Variants in INTS7 observed in about 807,000 individuals in gnomAD.
The protein encoded by INTS7 is integrator complex subunit 7, also known as chromosome 1 open reading frame 73.
INTS7 carries 46 observed loss-of-function variants against 109.2 expected under a neutral mutation model. The ratio of observed to expected loss-of-function variants is 0.42; its 90% CI spans 0.33 to 0.54. The LOEUF is 0.54. INTS7 is among the 20% of genes least tolerant of loss of function. INTS7 has a pLI of 0.07. For missense variants in INTS7, 929 were observed against 1,132.4 expected (o/e 0.82, Z 2.58); for synonymous variants, 412 against 402.9 (o/e 1.02, Z -0.27).
chr1:211,975,710 A>C (rs1021581154), intron 12 of INTS7, among the ~76,000 whole-genome samples: 1 of 152,222 alleles, frequency 6.6e-6, no homozygotes, highest in Non-Finnish European at 1.5e-5. Context: ...TGAACTATTT[A>C]GTGGGTGAGA....
chr1:211,981,116 G>C lies in INTS7; in HGVS notation c.1207C>G (p.Pro403Ala), dbSNP rs540765397. ...ACCTTTAAAGTGGCCTGAGCACCTG[G>C]ACTATCATCTTGACTACAAAGTACC... ...LLVLCSQDDS[P>A]GAQATLKIAL... The change falls in exon 10 of 20, where the codon CCA becomes GCA. Residue 403 changes from proline to alanine, a missense_variant. Transcript: ENST00000366994. The C allele has an allele frequency of 7.4e-5, 119 of 1,612,212 alleles. No individual in the cohort carries two copies. Among genetic ancestry groups the C allele is most frequent in the Admixed American group, 1.0e-4 (6 of 59,962 alleles).
In INTS7 at chr1:211,952,617, C is replaced by T; in HGVS notation, c.2268G>A (p.Leu756=). ...TCCGATTGAGTGATTCTACCTCCTC[C>T]AAGACATGATTATATACAGACATCA... ...RRMMSVYNHV[L]EEVESLNRKY... The change falls in exon 17 of 20, where the codon TTG becomes TTA. Residue 756 remains leucine, a synonymous_variant. Coordinates refer to ENST00000366994, the MANE Select transcript of INTS7 (RefSeq NM_015434.4). 1 of 1,613,028 alleles carries T rather than the reference C, an allele frequency of 6.2e-7. No homozygotes were observed. Among genetic ancestry groups the T allele is most frequent in the South Asian group, 1.1e-5 (1 of 91,018 alleles).
At chr1:211,964,058 T>C (rs1436394243) in intron 16 of INTS7, among the ~76,000 whole-genome samples, 1 of 152,190 alleles carries the variant, frequency 6.6e-6, no homozygotes, top group Non-Finnish European at 1.5e-5. Flanking sequence ...CAACTATCCC[T>C]GTGTGCAGAC....
chr1:212,020,807 C>A (rs1465606154), intron 2 of INTS7: 4 of 863,274 alleles, frequency 4.6e-6, no homozygotes, highest in Non-Finnish European at 5.8e-6. Context: ...ACAATCTGTA[C>A]AAAGACACAG....
intron 4 of INTS7, among the ~76,000 whole-genome samples, chr1:212,014,086 T>C (rs1390963199): frequency 2.0e-5 from 3 of 152,196 alleles, no homozygotes; most frequent in Non-Finnish European, 4.4e-5. Flanking sequence ...CATCTATTAA[T>C]TTTGATCTGT....
intron 7 of INTS7, among the ~76,000 whole-genome samples, chr1:212,002,670 C>T (rs992536791): frequency 3.9e-5 from 6 of 152,202 alleles, no homozygotes; most frequent in Non-Finnish European, 8.8e-5. Flanking sequence ...ATGTCAACTT[C>T]GCAGTGAGGG....
intron 13 of INTS7, among the ~76,000 whole-genome samples, chr1:211,974,692 T>G (rs1276742713): frequency 6.6e-6 from 1 of 152,148 alleles, no homozygotes; most frequent in East Asian, 1.9e-4. Context: ...TAACAGAAAT[T>G]GTAGCTAGCT....
intron 12 of INTS7, 24 bp downstream of exon 12, chr1:211,976,558 T>G (rs1260794988): frequency 1.3e-6 from 2 of 1,594,214 alleles, no homozygotes; most frequent in Non-Finnish European, 1.7e-6. Context: ...AGCAACCCAG[T>G]TCACTCAGAA....
At chr1:211,989,930 T>C (rs1444226062) in intron 7 of INTS7, among the ~76,000 whole-genome samples, 3 of 152,126 alleles carry the variant, frequency 2.0e-5, no homozygotes, top group Non-Finnish European at 4.4e-5. Flanking sequence ...ACCTCATTCA[T>C]ACTTTGAACA....
chr1:212,011,334 CTAAT>C (rs770945690), intron 5 of INTS7, 37 bp downstream of exon 5: 10 of 1,076,340 alleles, frequency 9.3e-6, no homozygotes, highest in Non-Finnish European at 1.4e-5. Flanking sequence ...TATTATAAAT[CTAAT>C]TAAGTCACTT....
Position 211,978,291 on chromosome 1 carries a change from T to C in INTS7, c.1451A>G (p.Asp484Gly). The change falls in exon 11 of 20, where the codon GAC (aspartate) becomes GGC (glycine). Residue 484 changes from aspartate to glycine, a missense_variant. By Grantham distance (94) the Asp-to-Gly change is moderately conservative (BLOSUM62 -1). Coordinates refer to ENST00000366994, the MANE Select transcript of INTS7 (RefSeq NM_015434.4). ...LYKVIGRSAT[D>G]KQQELLVSLA... is the part of the protein sequence containing the mutation. Reference sequence around the variant, plus strand: ...TTTTACCAGAAGTTCTTGTTGCTTGTCTGTGGCTGATCGTCCAATCACCTT... The same window carrying C: ...TTTTACCAGAAGTTCTTGTTGCTTGCCTGTGGCTGATCGTCCAATCACCTT... 1.2e-6 allele frequency: 2 copies of C among 1,614,188 alleles called. No individual in the cohort carries two copies. The highest frequency in any genetic ancestry group is 8.5e-7 in the Non-Finnish European group (1 of 1,180,002).
chr1:212,035,502 C>T lies in INTS7; in HGVS notation c.-65G>A. On this transcript the variant is annotated 5_prime_UTR_variant, in exon 1 of 20. Coordinates refer to ENST00000366994, the MANE Select transcript of INTS7 (RefSeq NM_015434.4). ...GCAAACTCTACCCCAGGACCGCCAT[C>T]TTCCCCCGCCGCCTTCTTGCTGGTT... 1 of 1,185,168 alleles carries T rather than the reference C, an allele frequency of 8.4e-7. No individual in the cohort carries two copies. The highest frequency in any genetic ancestry group is 2.3e-5 in the East Asian group (1 of 42,888). 73.4% of individuals were successfully genotyped at this position (1,185,168 alleles called of 1,614,324 possible).
chr1:212,035,297 CT>C lies in INTS7; in HGVS notation c.94+46del, dbSNP rs772349803. 2.3e-6 allele frequency: 3 copies of C among 1,298,290 alleles called. 1 individual carries two copies. In the South Asian group the frequency reaches 3.5e-5, roughly 15 times the overall value. The allele number at this position is 1,298,290 out of a possible 1,614,324, so 80.4% of individuals were successfully genotyped here. A position where few individuals can be genotyped will look rare whatever the true frequency, so the allele number is the denominator to read the frequency against. On this transcript the variant is annotated intron_variant, in intron 1 of 19. Coordinates refer to ENST00000366994, the MANE Select transcript of INTS7 (RefSeq NM_015434.4). ...AAGCAACCACCACCTGGTGGCGCCACTTCCCCCCACGCCTGTTTCACCCATT... is the reference window on the plus strand; with the variant it reads ...AAGCAACCACCACCTGGTGGCGCCACTCCCCCCACGCCTGTTTCACCCATT...
At chr1:211,993,375 T>C (rs1341334381) in intron 7 of INTS7, among the ~76,000 whole-genome samples, 1 of 152,134 alleles carries the variant, frequency 6.6e-6, no homozygotes, top group Non-Finnish European at 1.5e-5. Context: ...ATAAATCAAA[T>C]ATTCTCTTCC....
chr1:211,983,110 CA>C (rs949618144), intron 8 of INTS7, among the ~76,000 whole-genome samples: 2 of 152,138 alleles, frequency 1.3e-5, no homozygotes, highest in African/African-American at 2.4e-5. Flanking sequence ...CCTAAGAGTT[CA>C]AATGAATTCT....
intron 15 of INTS7, 23 bp from the exon 16 acceptor site, chr1:211,966,521 T>C (rs369856201): frequency 3.3e-6 from 5 of 1,527,744 alleles, no homozygotes; most frequent in Non-Finnish European, 4.5e-6. Context: ...TAAGGTTACA[T>C]ACGAAAATAG....
In INTS7 at chr1:211,952,667, C is replaced by T; in HGVS notation, c.2218G>A (p.Ala740Thr). The T allele has an allele frequency of 1.2e-6, 2 of 1,612,946 alleles. No individual in the cohort carries two copies. Among genetic ancestry groups the T allele is most frequent in the African/African-American group, 1.3e-5 (1 of 75,026 alleles). ...QEYGSTGTAH[A>T]DSEYERRMMS... ...ATTCTTCTTTCATATTCACTATCAGCATGGGCTGTTCCAGTAGATCCATAT... is the reference window on the plus strand; with the variant it reads ...ATTCTTCTTTCATATTCACTATCAGTATGGGCTGTTCCAGTAGATCCATAT... The change falls in exon 17 of 20, where the codon GCT (alanine) becomes ACT (threonine). Residue 740 changes from alanine (A) to threonine (T), a missense_variant. By Grantham distance (58) the Ala-to-Thr change is moderately conservative. Coordinates refer to ENST00000366994, the MANE Select transcript of INTS7 (RefSeq NM_015434.4).
chr1:212,004,970 C>T (rs77842082), intron 7 of INTS7, among the ~76,000 whole-genome samples: 3,968 of 152,264 alleles, frequency 0.026, 57 homozygotes, highest in African/African-American at 0.046. Flanking sequence ...CTTTGGAAAA[C>T]AGTTTGACAT....
At chr1:211,985,958 G>A (rs1198979996) in intron 8 of INTS7, among the ~76,000 whole-genome samples, 1 of 152,166 alleles carries the variant, frequency 6.6e-6, no homozygotes, top group African/African-American at 2.4e-5. Flanking sequence ...TATATGGTAC[G>A]TTGTTTATAA....
Sources: gnomAD v4.1 joint callset for allele counts (sites outside exome capture counted in the v4.1 genomes callset) on GRCh38, gnomAD v4.1.1 for gene constraint, MANE v1.5 for transcripts, NCBI Gene and HGNC (gene_info 2026-07-23, HGNC 2026-07-21) for gene names.